The following TPRG1 variants were observed in gnomAD, a reference collection of about 807,000 sequenced individuals.
The protein encoded by TPRG1 is tumor protein p63-regulated gene 1 protein.
In TPRG1, 29 loss-of-function variants were observed where a neutral mutation model predicts 29.3. The ratio of observed to expected loss-of-function variants is 0.99; its 90% CI spans 0.74 to 1.35. The LOEUF is 1.35. TPRG1 is among the 40% of genes most tolerant of loss of function. The pLI is 0.00. For synonymous variants in TPRG1, 130 were observed against 116.8 expected, an observed-to-expected ratio of 1.11 and a Z score of -0.73; for missense variants, 327 against 335.0, an observed-to-expected ratio of 0.98 and a Z score of 0.19.
At chr3:189,085,669 C>CT (rs1479830759) in intron 4 of TPRG1, among the ~76,000 whole-genome samples, 9 of 152,190 alleles carry the variant, frequency 5.9e-5, no homozygotes, top group Admixed American at 5.9e-4. Context: ...GAGATTACAA[C>CT]TTTCCTTCCA....
chr3:189,250,720 G>C (rs1359717947), intron 4 of TPRG1, among the ~76,000 whole-genome samples: 5 of 146,202 alleles, frequency 3.4e-5, no homozygotes, highest in Admixed American at 6.9e-5. Context: ...GGAGAGCCTG[G>C]ACAGAGTCTG....
chr3:189,261,116 A>G (rs1291685068), intron 4 of TPRG1, among the ~76,000 whole-genome samples: 1 of 152,158 alleles, frequency 6.6e-6, no homozygotes, highest in East Asian at 1.9e-4. Flanking sequence ...CAATCTAATT[A>G]TGAACACAGA....
chr3:189,218,785 T>C (rs1410321539), intron 3 of TPRG1, among the ~76,000 whole-genome samples: 1 of 152,190 alleles, frequency 6.6e-6, no homozygotes, highest in Non-Finnish European at 1.5e-5. Flanking sequence ...TTGAGGCTGA[T>C]TGGGTTCTAA....
intron 4 of TPRG1, among the ~76,000 whole-genome samples, chr3:189,057,525 G>C (rs746133403): frequency 1.4e-5 from 2 of 144,712 alleles, no homozygotes; most frequent in Non-Finnish European, 3.0e-5. Flanking sequence ...TACACATTCT[G>C]TGGGCTCTTT....
At chr3:189,243,116 G>A (rs1740878947) in intron 4 of TPRG1, among the ~76,000 whole-genome samples, 1 of 152,156 alleles carries the variant, frequency 6.6e-6, no homozygotes, top group African/African-American at 2.4e-5. Flanking sequence ...TTGGCTTATA[G>A]TTCTGCAGGT....
At chr3:189,089,834 T>C (rs1195883349) in intron 4 of TPRG1, among the ~76,000 whole-genome samples, 2 of 152,074 alleles carry the variant, frequency 1.3e-5, no homozygotes, top group Admixed American at 1.3e-4. Flanking sequence ...TCAACATGAG[T>C]TTTGGAGGGG....
rs189052625 is a variant in TPRG1, at chr3:189,157,704, G to A, written c.-10+6832G>A. 6.6e-5 allele frequency among the ~76,000 whole-genome samples: 10 copies of A among 152,272 alleles called. No individual in the cohort carries two copies. In the East Asian group the frequency reaches 1.7e-3, roughly 26 times the overall value. On this transcript the variant is annotated intron_variant, in intron 5 of 6. Transcript: ENST00000412373. ...AAGTTTCCATGAAAATAAAACACAA[G>A]CAGAACACCATGCTGTTGCCTCCCA...
intron 4 of TPRG1, among the ~76,000 whole-genome samples, chr3:189,069,406 G>GGT (rs1312191106): frequency 6.6e-6 from 1 of 152,158 alleles, no homozygotes; most frequent in Non-Finnish European, 1.5e-5. Context: ...AGATTCTTTC[G>GGT]GTGATGGAAC....
intron 4 of TPRG1, among the ~76,000 whole-genome samples, chr3:189,149,149 C>G (rs929418627): frequency 6.6e-6 from 1 of 152,134 alleles, no homozygotes; most frequent in African/African-American, 2.4e-5. Flanking sequence ...AATTAACGTT[C>G]CCAAACAATC....
chr3:189,165,571 G>A (rs1728067173), intron 5 of TPRG1, among the ~76,000 whole-genome samples: 1 of 151,942 alleles, frequency 6.6e-6, no homozygotes, highest in Non-Finnish European at 1.5e-5. Flanking sequence ...CAGGTGTCCA[G>A]GGACCTGCGC....
intron 5 of TPRG1, among the ~76,000 whole-genome samples, chr3:189,318,386 C>T (rs1005103625): frequency 5.9e-5 from 9 of 152,236 alleles, no homozygotes; most frequent in Non-Finnish European, 1.2e-4. Context: ...AAAAGGTCAA[C>T]TTTTCCCTTG....
intron 3 of TPRG1, among the ~76,000 whole-genome samples, chr3:189,222,202 T>A (rs2108867984): frequency 6.6e-6 from 1 of 152,298 alleles, no homozygotes; most frequent in South Asian, 2.1e-4. Context: ...GTCAAATGCC[T>A]GTAAGGGATG....
chr3:189,225,187 T>G (rs370746886), intron 3 of TPRG1, among the ~76,000 whole-genome samples: 1 of 152,304 alleles, frequency 6.6e-6, no homozygotes, highest in Non-Finnish European at 1.5e-5. Flanking sequence ...CACCTCGGTC[T>G]CCCAAAGTGC....
chr3:189,143,616 C>A (rs574030891), intron 3 of TPRG1, among the ~76,000 whole-genome samples: 1 of 152,196 alleles, frequency 6.6e-6, no homozygotes, highest in Non-Finnish European at 1.5e-5. Context: ...GCCTGAGAAC[C>A]CACATTAGGA....
chr3:189,228,139 A>G (rs532693190), intron 3 of TPRG1, among the ~76,000 whole-genome samples: 2 of 152,338 alleles, frequency 1.3e-5, no homozygotes, highest in South Asian at 4.1e-4. Flanking sequence ...CAGCAATAGC[A>G]ACAACGACGA....
chr3:189,270,651 A>G (rs977863156), intron 4 of TPRG1, among the ~76,000 whole-genome samples: 2 of 152,230 alleles, frequency 1.3e-5, no homozygotes, highest in African/African-American at 4.8e-5. Context: ...TAGCCACTAC[A>G]ATGCATTAAA....
intron 4 of TPRG1, among the ~76,000 whole-genome samples, chr3:189,047,257 A>C (rs1715036317): frequency 6.6e-6 from 1 of 152,230 alleles, no homozygotes. Context: ...CAATAAAGTG[A>C]ATCACATAAT....
chr3:189,143,096 G>A (rs929272156), intron 3 of TPRG1, among the ~76,000 whole-genome samples: 1 of 152,168 alleles, frequency 6.6e-6, no homozygotes, highest in East Asian at 1.9e-4. Context: ...CGATTTTCAT[G>A]TATAACCTAG....
chr3:189,146,224 G>A (rs79011386), intron 3 of TPRG1, among the ~76,000 whole-genome samples: 2,033 of 152,250 alleles, frequency 0.013, 44 homozygotes, highest in African/African-American at 0.044. Flanking sequence ...ATGCATTGCC[G>A]TGACTAAAGA....
Sources: allele counts gnomAD v4.1 joint callset (sites outside exome capture counted in the v4.1 genomes callset), GRCh38; gene constraint gnomAD v4.1.1; transcripts MANE v1.5; gene names NCBI Gene and HGNC (gene_info 2026-07-23, HGNC 2026-07-21).